PRDM16: variants seen among roughly 807,000 people sequenced by gnomAD.
The protein encoded by PRDM16 is PR/SET domain 16.
In PRDM16, 23 loss-of-function variants were observed where a neutral mutation model predicts 110.6. The ratio of observed to expected loss-of-function variants is 0.21; its 90% CI spans 0.15 to 0.29. The LOEUF (loss-of-function observed/expected upper bound fraction) is 0.29, where lower values mean the gene tolerates loss of function less well. Ranked by LOEUF, PRDM16 falls within the 10% of genes least tolerant of loss-of-function variation. The probability of loss-of-function intolerance (pLI) is 1.00; values close to 1 mark genes in which losing one functional copy is unlikely to be tolerated. For missense variants in PRDM16, 1,615 were observed against 1,794.3 expected, an observed-to-expected ratio of 0.90 and a Z score of 1.81; for synonymous variants, 799 against 781.8, an observed-to-expected ratio of 1.02 and a Z score of -0.37.
chr1:3,372,153 G>A (rs1232466749), intron 3 of PRDM16, among the ~76,000 whole-genome samples: 1 of 152,220 alleles, frequency 6.6e-6, no homozygotes, highest in Non-Finnish European at 1.5e-5. Flanking sequence ...AACCCCTCAG[G>A]AACCAACCAA....
At chr1:3,083,382 G>T (rs1184085891) in intron 1 of PRDM16, among the ~76,000 whole-genome samples, 1 of 152,350 alleles carries the variant, frequency 6.6e-6, no homozygotes, top group East Asian at 1.9e-4. Flanking sequence ...CCTGGCGCTG[G>T]CGGGGCCTGC....
At chr1:3,294,051 C>T (rs1337085777) in intron 3 of PRDM16, among the ~76,000 whole-genome samples, 1 of 152,170 alleles carries the variant, frequency 6.6e-6, no homozygotes, top group Non-Finnish European at 1.5e-5. Flanking sequence ...CCTTACTCCC[C>T]CGGGGGCCAG....
At chr1:3,363,924 G>A (rs896223641) in intron 3 of PRDM16, among the ~76,000 whole-genome samples, 17 of 152,212 alleles carry the variant, frequency 1.1e-4, no homozygotes, top group African/African-American at 2.6e-4. Flanking sequence ...GAGCCAGCCC[G>A]CTACGCACAC....
intron 3 of PRDM16, among the ~76,000 whole-genome samples, chr1:3,348,044 G>A (rs1642396538): frequency 6.6e-6 from 1 of 152,192 alleles, no homozygotes; most frequent in Non-Finnish European, 1.5e-5. Context: ...TTCTGGTCAG[G>A]CTGCCCATGC....
intron 2 of PRDM16, among the ~76,000 whole-genome samples, chr1:3,230,283 G>A (rs1271354496): frequency 6.6e-6 from 1 of 152,218 alleles, no homozygotes; most frequent in Non-Finnish European, 1.5e-5. Context: ...ATTCCTGGAT[G>A]TTGCTAGGTC....
chr1:3,174,014 A>G (rs1644058426), intron 1 of PRDM16, among the ~76,000 whole-genome samples: 1 of 152,206 alleles, frequency 6.6e-6, no homozygotes, highest in African/African-American at 2.4e-5. Flanking sequence ...CTTTAACGAA[A>G]GAGCACAAAC....
chr1:3,373,860 A>G (rs763904008), intron 3 of PRDM16, among the ~76,000 whole-genome samples: 2 of 152,250 alleles, frequency 1.3e-5, no homozygotes, highest in Admixed American at 6.5e-5. Context: ...GTCCTGCCAG[A>G]AAGCATCCAC....
At position 3,382,163 on chromosome 1, in the gene PRDM16, C is replaced by T. The variant is rs1643113078; in HGVS notation, c.439-2989C>T. On this transcript the variant is annotated intron_variant, in intron 3 of 16. Coordinates refer to ENST00000270722, the MANE Select transcript of PRDM16 (RefSeq NM_022114.4). The surrounding 1 kb of genome is among the most constrained non-coding windows in gnomAD (Gnocchi z 6.6). The stretch of plus-strand genomic sequence containing the variant: ...TTGTGCCTGGGGAGGGGCCTCACCA[C>T]GTGGGGCTGGTGGCCCTGGGTCTGC... 3.3e-5 allele frequency among the ~76,000 whole-genome samples: 5 copies of T among 152,210 alleles called. No individual in the cohort carries two copies. The South Asian group carries it at 1.0e-3, about 31-fold the overall frequency.
At chr1:3,197,855 G>T (rs1638518981) in intron 2 of PRDM16, among the ~76,000 whole-genome samples, 1 of 152,162 alleles carries the variant, frequency 6.6e-6, no homozygotes, top group Non-Finnish European at 1.5e-5. Flanking sequence ...CAGGGACGAG[G>T]GTCAGGGGAT....
At position 3,425,637 on chromosome 1, in the gene PRDM16, G is replaced by A. The variant is rs1356208771; in HGVS notation, c.2996G>A (p.Arg999Gln). 6.2e-7 allele frequency: 1 copy of A among 1,613,956 alleles called. No homozygotes were observed. The highest frequency in any genetic ancestry group is 8.5e-7 in the Non-Finnish European group (1 of 1,179,962). The stretch of plus-strand genomic sequence containing the variant: ...TCTTCGAACCTCCAGCGGCACGTCC[G>A]GAACATCCACAACAAGGAGAAGCCT... ...SISSNLQRHV[R>Q]NIHNKEKPFK... The change falls in exon 13 of 17, where the codon CGG becomes CAG. Residue 999 changes from arginine (R) to glutamine (Q), a missense_variant. Physicochemically the swap from Arg to Gln is conservative, Grantham distance 43. Around this residue, in one of 5 missense-constraint regions of PRDM16, gnomAD observed 18 missense variants for 75.2 expected, o/e 0.24. Transcript: ENST00000270722. This position sits in a 1 kb window ranked among gnomAD's most constrained non-coding sequence, Gnocchi z 6.9.
intron 1 of PRDM16, among the ~76,000 whole-genome samples, chr1:3,089,716 A>G (rs1484864266): frequency 6.6e-6 from 1 of 152,176 alleles, no homozygotes; most frequent in East Asian, 1.9e-4. Context: ...TTCCCTGGTC[A>G]TTACGTCTCC....
At chr1:3,200,883 A>G (rs1424632097) in intron 2 of PRDM16, among the ~76,000 whole-genome samples, 2 of 151,962 alleles carry the variant, frequency 1.3e-5, no homozygotes, top group Non-Finnish European at 2.9e-5. Context: ...GGCACAGAAG[A>G]CGAGGACAAG....
rs2100709439 is a variant in PRDM16 at position 3,434,561 on chromosome 1, CGAA to C, written c.*755_*757del. The C allele has an allele frequency of 4.3e-6, 1 of 231,840 alleles. No individual in the cohort carries two copies. The highest frequency in any genetic ancestry group is 8.5e-6 in the Non-Finnish European group (1 of 117,118). The allele number at this position is 231,840 out of a possible 1,614,324, so 14.4% of individuals were successfully genotyped here. A position where few individuals can be genotyped will look rare whatever the true frequency, so the allele number is the denominator to read the frequency against. On this transcript the variant is annotated 3_prime_UTR_variant, in exon 17 of 17. Transcript: ENST00000270722. ...CACACCCGTGAACCATGCAGACGGC[CGAA>C]GAAGTCTTAGGCAGGGCGCCCTGGG...
intron 3 of PRDM16, among the ~76,000 whole-genome samples, chr1:3,369,438 C>T (rs1557637384): frequency 1.3e-5 from 2 of 152,224 alleles, no homozygotes; most frequent in South Asian, 4.1e-4. Context: ...ACCTGAGAAG[C>T]AGATCATCCA....
chr1:3,084,628 C>G (rs1030317308), intron 1 of PRDM16, among the ~76,000 whole-genome samples: 1 of 152,226 alleles, frequency 6.6e-6, no homozygotes, highest in Non-Finnish European at 1.5e-5. Flanking sequence ...CAGGGAGGCA[C>G]CGTCCATTCT....
At chr1:3,196,385 C>T (rs545870793) in intron 2 of PRDM16, among the ~76,000 whole-genome samples, 18 of 152,380 alleles carry the variant, frequency 1.2e-4, no homozygotes, top group Admixed American at 4.6e-4. Flanking sequence ...AATTCTGTGT[C>T]GTAAACATGA....
Position 3,278,616 on chromosome 1 carries a change from G to A in PRDM16, c.438+34479G>A, listed in dbSNP as rs984042685. 2.8e-4 allele frequency among the ~76,000 whole-genome samples: 42 copies of A among 152,292 alleles called. 1 individual carries two copies. Among genetic ancestry groups the A allele is most frequent in the Admixed American group, 2.2e-3 (34 of 15,312 alleles). Reference sequence around the variant, plus strand: ...CGCACCCGGCACCCTGCTGCCCGGCGGGGCCTGCAGTCAGCCAGGACACCC... The same window carrying A: ...CGCACCCGGCACCCTGCTGCCCGGCAGGGCCTGCAGTCAGCCAGGACACCC... On this transcript the variant is annotated intron_variant, in intron 3 of 16. Transcript: ENST00000270722.
Position 3,358,714 on chromosome 1 carries a change from G to A in PRDM16, c.439-26438G>A, listed in dbSNP as rs1642658849. Among the ~76,000 whole-genome samples, 1 of 152,174 alleles carries A rather than the reference G, an allele frequency of 6.6e-6. No homozygotes were observed. Among genetic ancestry groups the A allele is most frequent in the Admixed American group, 6.5e-5 (1 of 15,278 alleles). ...CTCCCGTGAACAAATATCGCCACGTGTGCGCGATCAGAGCTGAGTAACCTG... is the reference window on the plus strand; with the variant it reads ...CTCCCGTGAACAAATATCGCCACGTATGCGCGATCAGAGCTGAGTAACCTG... On this transcript the variant is annotated intron_variant, in intron 3 of 16. Transcript: ENST00000270722. The surrounding 1 kb of genome is among the most constrained non-coding windows in gnomAD (Gnocchi z 4.0).
chr1:3,192,488 AG>A (rs1253441966), intron 2 of PRDM16, among the ~76,000 whole-genome samples: 1 of 152,100 alleles, frequency 6.6e-6, no homozygotes, highest in African/African-American at 2.4e-5. Context: ...TCTCTTCATG[AG>A]GGATGTGGGT....
Sources: gnomAD v4.1 joint callset for allele counts (sites outside exome capture counted in the v4.1 genomes callset) on GRCh38, gnomAD v4.1.1 for gene constraint, gnomAD v4.1.1 regional missense constraint, Gnocchi (gnomAD v3.1) non-coding constraint, MANE v1.5 for transcripts, NCBI Gene and HGNC (gene_info 2026-07-23, HGNC 2026-07-21) for gene names.